LYPLAL1: variants seen among roughly 807,000 people sequenced by gnomAD.
LYPLAL1 encodes lysophospholipase like 1.
Under a neutral mutation model 19.7 loss-of-function variants are expected in LYPLAL1, and 23 were observed. The ratio of observed to expected loss-of-function variants is 1.17; its 90% confidence interval spans 0.84 to 1.65. The LOEUF is 1.65. Among genes scored for constraint, LYPLAL1 ranks in the 40% most tolerant of loss-of-function variants. The probability of loss-of-function intolerance (pLI) is 0.00; values close to 1 mark genes in which losing one functional copy is unlikely to be tolerated. For missense variants in LYPLAL1, 355 were observed against 279.4 expected (o/e 1.27, Z -1.93); for synonymous variants, 119 against 96.3 (o/e 1.24, Z -1.38).
chr1:219,352,261 T>C, the LYPLAL1 span, among the ~76,000 whole-genome samples: 1 of 152,204 alleles, frequency 6.6e-6, no homozygotes, highest in Non-Finnish European at 1.5e-5. Context: ...CCAGGCGCGG[T>C]GGCTCACGCC....
At chr1:219,323,134 A>G in the LYPLAL1 span, among the ~76,000 whole-genome samples, 1 of 152,226 alleles carries the variant, frequency 6.6e-6, no homozygotes, top group Non-Finnish European at 1.5e-5. Flanking sequence ...ATGGGAACTA[A>G]TTGCCCTTCC....
the LYPLAL1 span, among the ~76,000 whole-genome samples, chr1:219,250,678 C>T: frequency 6.6e-5 from 10 of 152,084 alleles, no homozygotes; most frequent in African/African-American, 2.4e-4. Flanking sequence ...TGTATACATA[C>T]CACATTTTCT....
the LYPLAL1 span, among the ~76,000 whole-genome samples, chr1:219,307,375 C>A: frequency 3.9e-5 from 6 of 152,242 alleles, no homozygotes; most frequent in African/African-American, 1.4e-4. Context: ...ATGGTTTCTT[C>A]CAAACCCAAG....
chr1:219,437,007 A>C, the LYPLAL1 span: 1 of 152,172 alleles, frequency 6.6e-6, no homozygotes, highest in African/African-American at 2.4e-5. Flanking sequence ...CAAGAAGGCT[A>C]GGAGAAAACT....
At chr1:219,242,723 A>C in the LYPLAL1 span, among the ~76,000 whole-genome samples, 2 of 150,448 alleles carry the variant, frequency 1.3e-5, no homozygotes, top group Non-Finnish European at 3.0e-5. Flanking sequence ...TATATAATTA[A>C]TATATATAAA....
At chr1:219,360,807 G>A in the LYPLAL1 span, among the ~76,000 whole-genome samples, 1 of 152,162 alleles carries the variant, frequency 6.6e-6, no homozygotes, top group Non-Finnish European at 1.5e-5. Flanking sequence ...GATGGTGACA[G>A]GAGAGAACTC....
the LYPLAL1 span, among the ~76,000 whole-genome samples, chr1:219,309,951 T>C: frequency 6.6e-6 from 1 of 152,222 alleles, no homozygotes; most frequent in Admixed American, 6.5e-5. Context: ...TTAGTTTTGA[T>C]CTACTTAAGT....
chr1:219,284,228 A>G, the LYPLAL1 span, among the ~76,000 whole-genome samples: 2 of 152,322 alleles, frequency 1.3e-5, no homozygotes, highest in South Asian at 2.1e-4. Flanking sequence ...TCTTTCCTCT[A>G]TAAATTACCA....
chr1:219,232,741 T>A, the LYPLAL1 span, among the ~76,000 whole-genome samples: 2 of 151,920 alleles, frequency 1.3e-5, no homozygotes, highest in African/African-American at 4.8e-5. Context: ...TAGACATTTA[T>A]CCAAAGAAGA....
the LYPLAL1 span, among the ~76,000 whole-genome samples, chr1:219,412,799 C>T: frequency 6.6e-5 from 10 of 152,168 alleles, no homozygotes. Context: ...AGATGCACAA[C>T]AAAGACAAAT....
chr1:219,350,009 A>G, the LYPLAL1 span, among the ~76,000 whole-genome samples: 5 of 152,248 alleles, frequency 3.3e-5, no homozygotes, highest in Non-Finnish European at 5.9e-5. Flanking sequence ...ATTTCACTGC[A>G]AACTGCTGAG....
At chr1:219,209,509 T>G (rs1015733951) in intron 3 of LYPLAL1, among the ~76,000 whole-genome samples, 5 of 152,140 alleles carry the variant, frequency 3.3e-5, no homozygotes, top group African/African-American at 1.2e-4. Context: ...TTGTAGTAAA[T>G]TCAAATTTAT....
At chr1:219,335,654 C>T in the LYPLAL1 span, among the ~76,000 whole-genome samples, 8 of 151,920 alleles carry the variant, frequency 5.3e-5, no homozygotes, top group African/African-American at 1.9e-4. Context: ...ACTCTCCTTG[C>T]TCCTTCATGG....
At chr1:219,252,522 T>C in the LYPLAL1 span, among the ~76,000 whole-genome samples, 2 of 152,152 alleles carry the variant, frequency 1.3e-5, no homozygotes, top group Non-Finnish European at 1.5e-5. Flanking sequence ...AAAGCCTTTT[T>C]CTGTATCTAT....
At chr1:219,248,875 A>G in the LYPLAL1 span, among the ~76,000 whole-genome samples, 1 of 152,142 alleles carries the variant, frequency 6.6e-6, no homozygotes, top group East Asian at 1.9e-4. Flanking sequence ...CCTATAATCT[A>G]GAAACAAGCA....
At chr1:219,437,774 T>C in the LYPLAL1 span, among the ~76,000 whole-genome samples, 1 of 151,512 alleles carries the variant, frequency 6.6e-6, no homozygotes, top group South Asian at 2.1e-4. Context: ...TATTTTATTT[T>C]ATTTTATTTT....
the LYPLAL1 span, among the ~76,000 whole-genome samples, chr1:219,278,707 A>AC: frequency 9.9e-5 from 15 of 151,080 alleles, no homozygotes; most frequent in Non-Finnish European, 2.1e-4. Context: ...AACAACAACA[A>AC]AACGTTTCAT....
At chr1:219,356,712 G>T in the LYPLAL1 span, among the ~76,000 whole-genome samples, 1 of 152,074 alleles carries the variant, frequency 6.6e-6, no homozygotes, top group Non-Finnish European at 1.5e-5. Context: ...CGTTTTCTTT[G>T]ACACTATGCC....
At chr1:219,317,358 C>A in the LYPLAL1 span, among the ~76,000 whole-genome samples, 1 of 152,190 alleles carries the variant, frequency 6.6e-6, no homozygotes, top group Non-Finnish European at 1.5e-5. Flanking sequence ...TATTTTCAGC[C>A]CCTCCAGTGT....
Sources: allele counts gnomAD v4.1 joint callset (sites outside exome capture counted in the v4.1 genomes callset), GRCh38; gene constraint gnomAD v4.1.1; transcripts MANE v1.5; gene names NCBI Gene and HGNC (gene_info 2026-07-23, HGNC 2026-07-21).